The following RNF151 variants were observed in gnomAD, a reference collection of about 807,000 sequenced individuals.
The protein encoded by RNF151 is ring finger protein 151.
RNF151 carries 9 observed loss-of-function variants against 11.1 expected under a neutral mutation model. The observed-to-expected ratio is 0.81, with a 90% confidence interval of 0.49 to 1.42. RNF151 has a LOEUF of 1.42. RNF151 is among the 40% of genes most tolerant of loss of function. The pLI is 0.00. For missense variants in RNF151, 372 were observed against 342.9 expected, an observed-to-expected ratio of 1.08 and a Z score of -0.67; for synonymous variants, 172 against 140.7, an observed-to-expected ratio of 1.22 and a Z score of -1.58.
rs1256969005 is a variant in RNF151, at chr16:1,968,751, G to C, written c.564G>C (p.Trp188Cys). 1.9e-6 allele frequency: 3 copies of C among 1,579,704 alleles called. No homozygotes were observed. Among genetic ancestry groups the C allele is most frequent in the Non-Finnish European group, 2.6e-6 (3 of 1,163,756 alleles). ...LLLSLLRRVRWLDQATSVVRR... is the reference protein window; with the variant it reads ...LLLSLLRRVRCLDQATSVVRR... ...TGTCCCTCCTGCGGCGTGTGCGCTGGCTGGACCAAGCCACCAGTGTCGTTC... is the reference window on the plus strand; with the variant it reads ...TGTCCCTCCTGCGGCGTGTGCGCTGCCTGGACCAAGCCACCAGTGTCGTTC... The change falls in exon 4 of 4, where the codon TGG becomes TGC. Residue 188 changes from tryptophan (W) to cysteine (C), a missense_variant. Coordinates refer to ENST00000569714, the MANE Select transcript of RNF151 (RefSeq NM_174903.6).
chr16:1,968,640 C>T lies in RNF151; in HGVS notation c.453C>T (p.Asp151=), dbSNP rs1428646752. ...RCPLGCGATL[D]PAERARHNCY... ...CCCTGGGCTGCGGGGCCACCCTGGA[C>T]CCGGCCGAGCGTGCTCGCCACAACT... The change falls in exon 4 of 4, where the codon GAC becomes GAT. Residue 151 remains aspartate, a synonymous_variant. Transcript: ENST00000569714. 6.4e-7 allele frequency: 1 copy of T among 1,566,888 alleles called. No homozygotes were observed. Among genetic ancestry groups the T allele is most frequent in the Non-Finnish European group, 8.6e-7 (1 of 1,156,886 alleles).
In RNF151 at chr16:1,967,749, G is replaced by C. The variant is rs2150877482; in HGVS notation, c.174G>C (p.Arg58Ser). 1.2e-6 allele frequency: 2 copies of C among 1,611,878 alleles called. No homozygotes were observed. Among genetic ancestry groups the C allele is most frequent in the East Asian group, 4.5e-5 (2 of 44,854 alleles). ...LARQKTCPCCRKEVKRKKVVH... is the reference protein window; with the variant it reads ...LARQKTCPCCSKEVKRKKVVH... The stretch of plus-strand genomic sequence containing the variant: ...GACAAAAGACCTGTCCGTGCTGTAG[G>C]AAAGAGGTGAAAAGGAAAAAGGTTG... The change falls in exon 3 of 4, where the codon AGG (arginine) becomes AGC (serine). Residue 58 changes from arginine to serine, a missense_variant. Coordinates refer to ENST00000569714, the MANE Select transcript of RNF151 (RefSeq NM_174903.6).
chr16:1,966,952 TC>T, intron 1 of RNF151, 68 bp downstream of exon 1: 1 of 1,509,108 alleles, frequency 6.6e-7, no homozygotes, highest in Non-Finnish European at 8.9e-7. Context: ...TGCCCAGTTG[TC>T]CAGGGATCGA....
At chr16:1,967,476 T>A in intron 2 of RNF151, 57 bp downstream of exon 2, 2 of 1,488,192 alleles carry the variant, frequency 1.3e-6, no homozygotes, top group Middle Eastern at 1.8e-4. Flanking sequence ...GGGCCATTGC[T>A]GTGGCCCAGA....
chr16:1,967,829 A>G lies in RNF151; in HGVS notation c.246+8A>G, dbSNP rs748432068. On this transcript the variant is annotated splice_region_variant and intron_variant, in intron 3 of 3. Transcript: ENST00000569714. ...GGCCGCCTGGAAGTCAAGGTAGCTC[A>G]AAGTACCCACTCCCCTGACCCTCAA... The G allele has an allele frequency of 3.5e-5, 55 of 1,588,592 alleles. No homozygotes were observed. The highest frequency in any genetic ancestry group is 1.7e-4 in the Middle Eastern group (1 of 6,032).
chr16:1,967,431 T>A lies in RNF151; in HGVS notation c.149+12T>A. 1 of 1,610,916 alleles carries A rather than the reference T, an allele frequency of 6.2e-7. No homozygotes were observed. The highest frequency in any genetic ancestry group is 1.3e-5 in the African/African-American group (1 of 74,954). Reference sequence around the variant, plus strand: ...CGGTGGCTAGCCAGGTGCCAGCGGGTACCCAAGGGGCTGGGAGGGCAGGAG... The same window carrying A: ...CGGTGGCTAGCCAGGTGCCAGCGGGAACCCAAGGGGCTGGGAGGGCAGGAG... On this transcript the variant is annotated intron_variant, in intron 2 of 3. Coordinates refer to ENST00000569714, the MANE Select transcript of RNF151 (RefSeq NM_174903.6).
intron 3 of RNF151, among the ~76,000 whole-genome samples, 160 bp from the exon 4 acceptor site, chr16:1,968,274 C>T (rs1165187743): frequency 5.9e-5 from 9 of 152,224 alleles, no homozygotes; most frequent in African/African-American, 9.6e-5. Context: ...CTTCTTCCCA[C>T]GTCTAGGCAT....
chr16:1,968,636 T>G lies in RNF151; in HGVS notation c.449T>G (p.Leu150Arg). The G allele has an allele frequency of 6.4e-7, 1 of 1,567,870 alleles. No individual in the cohort carries two copies. Among genetic ancestry groups the G allele is most frequent in the South Asian group, 1.2e-5 (1 of 85,794 alleles). Residue 150 changes from leucine to arginine, a missense_variant, in exon 4 of 4, where the codon CTG becomes CGG. Leu to Arg is a moderately radical substitution (Grantham distance 102, BLOSUM62 -2). Transcript: ENST00000569714. ...QRCPLGCGAT[L>R]DPAERARHNC... Reference sequence around the variant, plus strand: ...TGCCCCCTGGGCTGCGGGGCCACCCTGGACCCGGCCGAGCGTGCTCGCCAC... The same window carrying G: ...TGCCCCCTGGGCTGCGGGGCCACCCGGGACCCGGCCGAGCGTGCTCGCCAC...
In RNF151 at chr16:1,967,316, A is replaced by G; in HGVS notation, c.46A>G (p.Ser16Gly). ...CAACCTCTTCGCCAGCCCTCCTGAC[A>G]GCAACTTCGTGTGCTCCGTCTGCCA... ...DLNLFASPPD[S>G]NFVCSVCHGV... The change falls in exon 2 of 4, where the codon AGC (serine) becomes GGC (glycine). Residue 16 changes from serine to glycine, a missense_variant. Transcript: ENST00000569714. The G allele has an allele frequency of 1.9e-6, 3 of 1,613,570 alleles. No individual in the cohort carries two copies. The highest frequency in any genetic ancestry group is 1.6e-4 in the Middle Eastern group (1 of 6,062).
intron 2 of RNF151, 82 bp downstream of exon 2, chr16:1,967,501 C>A: frequency 2.3e-6 from 3 of 1,322,782 alleles, no homozygotes; most frequent in South Asian, 2.6e-5. Context: ...AGGGGAAAGT[C>A]AGCCAAAAGA....
chr16:1,968,055 G>C, intron 3 of RNF151: 2 of 699,432 alleles, frequency 2.9e-6, no homozygotes, highest in Non-Finnish European at 5.2e-6. Context: ...AGATTTTAGA[G>C]GACTTTTAAA....
rs753645697 is a variant in RNF151 at position 1,967,746 on chromosome 16, T to C, written c.171T>C (p.Cys57=). 6.2e-7 allele frequency: 1 copy of C among 1,611,604 alleles called. No individual in the cohort carries two copies. The highest frequency in any genetic ancestry group is 2.2e-5 in the East Asian group (1 of 44,850). The change falls in exon 3 of 4, where the codon TGT becomes TGC. Residue 57 remains cysteine (C), a synonymous_variant. Transcript: ENST00000569714. ...CCAGACAAAAGACCTGTCCGTGCTG[T>C]AGGAAAGAGGTGAAAAGGAAAAAGG... ...WLARQKTCPC[C]RKEVKRKKVV... is the part of the protein sequence containing the mutation.
chr16:1,968,373 G>T, intron 3 of RNF151, 61 bp from the exon 4 acceptor site: 1 of 1,456,104 alleles, frequency 6.9e-7, no homozygotes, highest in Non-Finnish European at 9.1e-7. Context: ...TGGAAAGCCA[G>T]GGGTGGGGGA....
chr16:1,967,255 T>C lies in RNF151; in HGVS notation c.4-19T>C, dbSNP rs1422445619. 1 of 1,608,528 alleles carries C rather than the reference T, an allele frequency of 6.2e-7. No individual in the cohort carries two copies. Among genetic ancestry groups the C allele is most frequent in the Non-Finnish European group, 8.5e-7 (1 of 1,177,128 alleles). ...CTGGATCACTGTCCCAGCCAGGTGC[T>C]GACACCTGGCCTTTGCAGGGTGGCG... On this transcript the variant is annotated intron_variant, in intron 1 of 3. Coordinates refer to ENST00000569714, the MANE Select transcript of RNF151 (RefSeq NM_174903.6).
Position 1,966,880 on chromosome 16 carries a change from T to A in RNF151, c.-2T>A. Reference sequence around the variant, plus strand: ...TGTGGAGCTGCTGTCTAGACGCAGATCATGGTGAGCCTGGGGCCCTCTTGC... The same window carrying A: ...TGTGGAGCTGCTGTCTAGACGCAGAACATGGTGAGCCTGGGGCCCTCTTGC... On this transcript the variant is annotated 5_prime_UTR_variant, in exon 1 of 4. Transcript: ENST00000569714. 7 of 1,574,016 alleles carry A rather than the reference T, an allele frequency of 4.4e-6. No individual in the cohort carries two copies. In the South Asian group the frequency reaches 8.1e-5, roughly 18 times the overall value.
Position 1,968,790 on chromosome 16 carries a change from G to A in RNF151, c.603G>A (p.Ala201=), listed in dbSNP as rs1277019412. The A allele has an allele frequency of 1.1e-5, 18 of 1,591,444 alleles. No individual in the cohort carries two copies. The highest frequency in any genetic ancestry group is 3.4e-5 in the South Asian group (3 of 87,582). ...QATSVVRREL[A]ELSNFLEEDT... is the part of the protein sequence containing the mutation. ...CCAGTGTCGTTCGTAGAGAGCTGGC[G>A]GAGCTCAGCAACTTCCTGGAGGAAG... The change falls in exon 4 of 4, where the codon GCG becomes GCA. Residue 201 remains alanine, a synonymous_variant. Transcript: ENST00000569714.
At chr16:1,967,206 C>A (rs2083318208) in intron 1 of RNF151, 68 bp from the exon 2 acceptor site, 2 of 1,551,450 alleles carry the variant, frequency 1.3e-6, no homozygotes, top group South Asian at 1.2e-5. Context: ...GCTGGGCTCT[C>A]TTGCTCGGTA....
chr16:1,967,213 G>A (rs758083436), intron 1 of RNF151, 61 bp from the exon 2 acceptor site: 29 of 1,559,304 alleles, frequency 1.9e-5, no homozygotes, highest in East Asian at 1.8e-4. Flanking sequence ...TCTCTTGCTC[G>A]GTATGTGGAC....
chr16:1,967,526 C>T, intron 2 of RNF151, 107 bp downstream of exon 2: 1 of 1,120,726 alleles, frequency 8.9e-7, no homozygotes, highest in Non-Finnish European at 1.3e-6. Flanking sequence ...GCCACCAAAT[C>T]TCCCTAAACT....
Sources: gnomAD v4.1 joint callset for allele counts (sites outside exome capture counted in the v4.1 genomes callset) on GRCh38, gnomAD v4.1.1 for gene constraint, MANE v1.5 for transcripts, NCBI Gene and HGNC (gene_info 2026-07-23, HGNC 2026-07-21) for gene names.